Variants in PGR observed in about 807,000 individuals in gnomAD.
The protein encoded by PGR is progesterone receptor, also known as nuclear receptor subfamily 3 group C member 3.
In PGR, 25 loss-of-function variants were observed where a neutral mutation model predicts 76.1. The ratio of observed to expected loss-of-function variants is 0.33; its 90% CI spans 0.24 to 0.46. The LOEUF (loss-of-function observed/expected upper bound fraction) is 0.46. PGR is among the 20% of genes least tolerant of loss of function. The pLI is 1.00. For missense variants in PGR, 1,172 were observed against 1,225.3 expected, an observed-to-expected ratio of 0.96 and a Z score of 0.65; for synonymous variants, 579 against 535.0, an observed-to-expected ratio of 1.08 and a Z score of -1.14.
At chr11:101,078,334 C>A (rs2135435361) in intron 3 of PGR, among the ~76,000 whole-genome samples, 1 of 152,232 alleles carries the variant, frequency 6.6e-6, no homozygotes, top group East Asian at 1.9e-4. Flanking sequence ...TAAAAAATTT[C>A]AAAGAAGATA....
At chr11:101,055,986 A>T (rs1426741679) in intron 4 of PGR, among the ~76,000 whole-genome samples, 1 of 152,210 alleles carries the variant, frequency 6.6e-6, no homozygotes, top group Non-Finnish European at 1.5e-5. Flanking sequence ...CACCTTTTAC[A>T]GTGCTTATCT....
At position 101,073,994 on chromosome 11, in the gene PGR, T is replaced by C. The variant is rs141076946; in HGVS notation, c.1907-11242A>G. Among the ~76,000 whole-genome samples the C allele has an allele frequency of 3.1e-3, 477 of 152,044 alleles. 4 individuals carry two copies. The highest frequency in any genetic ancestry group is 0.01 in the African/African-American group (433 of 41,520). On this transcript the variant is annotated intron_variant, in intron 3 of 7. Coordinates refer to ENST00000325455, the MANE Select transcript of PGR (RefSeq NM_000926.4). ...TAACTCATTTTATTTGGTATCATCC[T>C]GACACCAAAACCCGGCAGAGAAACA...
At chr11:101,042,212 GA>G (rs1196447694) in intron 6 of PGR, 110 bp from the exon 7 acceptor site, 33 of 1,023,732 alleles carry the variant, frequency 3.2e-5, no homozygotes, top group African/African-American at 1.1e-4. Flanking sequence ...CATGACTCTA[GA>G]AAAAAAACAC....
intron 6 of PGR, 110 bp from the exon 7 acceptor site, chr11:101,042,212 G>GA (rs1196447694): frequency 1.6e-4 from 164 of 1,023,306 alleles, no homozygotes; most frequent in Non-Finnish European, 1.8e-4. Context: ...CATGACTCTA[G>GA]AAAAAAAACA....
chr11:101,127,758 G>A lies in PGR; in HGVS notation c.1313C>T (p.Ala438Val), dbSNP rs762341135. Residue 438 changes from alanine (A) to valine (V), a missense_variant, in exon 1 of 8, where the codon GCG becomes GTG. This residue lies in a region of PGR where 893 missense variants were observed against 785.9 expected (regional missense o/e 1.14). Coordinates refer to ENST00000325455, the MANE Select transcript of PGR (RefSeq NM_000926.4). ...GGCACTGGCGGGTGCGGCCGTCACC[G>A]CCGCTTCCCCGGGTCTGGATGGGGT... ...RATPSRPGEA[A>V]VTAAPASASV... 10 of 1,558,612 alleles carry A rather than the reference G, an allele frequency of 6.4e-6. No homozygotes were observed. The Admixed American group carries it at 1.5e-4, about 23-fold the overall frequency.
intron 2 of PGR, among the ~76,000 whole-genome samples, chr11:101,103,930 C>A (rs910148148): frequency 6.6e-6 from 1 of 152,132 alleles, no homozygotes; most frequent in Non-Finnish European, 1.5e-5. Flanking sequence ...TTGAGCAGAT[C>A]ATTTAACTTC....
In PGR at chr11:101,041,996, C is replaced by T. The variant is rs747391838; in HGVS notation, c.2595G>A (p.Ser865=). Residue 865 remains serine, a synonymous_variant, in exon 7 of 8, where the codon TCG becomes TCA. Coordinates refer to ENST00000325455, the MANE Select transcript of PGR (RefSeq NM_000926.4). ...AIGLRQKGVV[S]SSQRFYQLTK... ...TAAGTTGATAGAAACGCTGTGAGCTCGACACAACTCCTTTTTGCCTCAAAC... is the reference window on the plus strand; with the variant it reads ...TAAGTTGATAGAAACGCTGTGAGCTTGACACAACTCCTTTTTGCCTCAAAC... 8.1e-6 allele frequency: 13 copies of T among 1,613,422 alleles called. 1 individual carries two copies. The East Asian group carries it at 1.1e-4, about 14-fold the overall frequency.
At chr11:101,052,269 CTGTGTGTG>C (rs55925008) in intron 4 of PGR, among the ~76,000 whole-genome samples, 13,213 of 141,622 alleles carry the variant, frequency 0.093, 694 homozygotes, top group Middle Eastern at 0.13. Flanking sequence ...GATTTAGAAT[CTGTGTGTG>C]TGTGTGTGTG....
rs1236744572 is a variant in PGR, at chr11:101,071,854, G to A, written c.1907-9102C>T. Among the ~76,000 whole-genome samples the A allele has an allele frequency of 1.3e-5, 2 of 152,246 alleles. 1 individual carries two copies. The highest frequency in any genetic ancestry group is 3.9e-4 in the East Asian group (2 of 5,150). ...GAAAAGACCAAACTTACGTTTGATT[G>A]GTGTACCTGAAAGTGACGGGGAGAA... On this transcript the variant is annotated intron_variant, in intron 3 of 7. Transcript: ENST00000325455.
At chr11:101,112,991 A>T (rs1862386634) in intron 2 of PGR, among the ~76,000 whole-genome samples, 2 of 152,244 alleles carry the variant, frequency 1.3e-5, no homozygotes, top group Admixed American at 1.3e-4. Context: ...CTATTATGAA[A>T]TGTGTTCAGA....
intron 3 of PGR, among the ~76,000 whole-genome samples, chr11:101,083,875 G>A (rs1861399450): frequency 6.6e-6 from 1 of 152,150 alleles, no homozygotes; most frequent in Non-Finnish European, 1.5e-5. Flanking sequence ...GGTTAATGCT[G>A]GAATGAGTTA....
chr11:101,096,449 A>G (rs1211181858), intron 2 of PGR, among the ~76,000 whole-genome samples: 3 of 152,262 alleles, frequency 2.0e-5, no homozygotes, highest in Non-Finnish European at 4.4e-5. Flanking sequence ...GTAGCCAGCC[A>G]GTTCCAACTA....
At chr11:101,085,631 T>C (rs1416439363) in intron 3 of PGR, among the ~76,000 whole-genome samples, 1 of 137,620 alleles carries the variant, frequency 7.3e-6, no homozygotes, top group Non-Finnish European at 1.6e-5. Context: ...GACCCAAAAA[T>C]CTATACAAAG....
At chr11:101,104,850 C>T (rs1418531738) in intron 2 of PGR, among the ~76,000 whole-genome samples, 1 of 151,876 alleles carries the variant, frequency 6.6e-6, no homozygotes, top group Non-Finnish European at 1.5e-5. Flanking sequence ...CTGGCTATTA[C>T]TGATATTAAA....
intron 2 of PGR, 68 bp downstream of exon 2, chr11:101,125,939 T>G: frequency 7.7e-7 from 1 of 1,306,516 alleles, no homozygotes; most frequent in Non-Finnish European, 1.1e-6. Context: ...AATTGAAATC[T>G]ATACAATATT....
chr11:101,045,867 G>C (rs894086804), intron 6 of PGR, among the ~76,000 whole-genome samples: 1 of 151,940 alleles, frequency 6.6e-6, no homozygotes, highest in African/African-American at 2.4e-5. Flanking sequence ...TCCAGTGGTG[G>C]GATTGCTAGA....
intron 2 of PGR, among the ~76,000 whole-genome samples, chr11:101,122,699 G>A (rs1190920003): frequency 6.6e-6 from 1 of 152,106 alleles, no homozygotes; most frequent in Non-Finnish European, 1.5e-5. Context: ...CCCATTTCCT[G>A]AGTGGTATCT....
chr11:101,041,896 G>A (rs947702624), intron 7 of PGR, 49 bp downstream of exon 7: 1 of 1,511,350 alleles, frequency 6.6e-7, no homozygotes, highest in African/African-American at 1.4e-5. Flanking sequence ...AAAAGTTATA[G>A]AAATTCAGAG....
At chr11:101,087,124 A>G (rs150203365) in intron 3 of PGR, among the ~76,000 whole-genome samples, 1 of 152,316 alleles carries the variant, frequency 6.6e-6, no homozygotes, top group Non-Finnish European at 1.5e-5. Flanking sequence ...CCAAATAACT[A>G]CAGCAGTCCT....
Sources: allele counts gnomAD v4.1 joint callset (sites outside exome capture counted in the v4.1 genomes callset), GRCh38; gene constraint gnomAD v4.1.1; regional missense constraint gnomAD v4.1.1; transcripts MANE v1.5; gene names NCBI Gene and HGNC (gene_info 2026-07-23, HGNC 2026-07-21).